The following RAD54B variants were observed in gnomAD, a reference collection of about 807,000 sequenced individuals.
The protein encoded by RAD54B is DNA repair and recombination protein RAD54B.
In RAD54B, 78 loss-of-function variants were observed where a neutral mutation model predicts 95.8. The ratio of observed to expected loss-of-function variants is 0.81; its 90% CI spans 0.68 to 0.98. RAD54B has a LOEUF of 0.98. Ranked by LOEUF, RAD54B falls within the 50% of genes least tolerant of loss-of-function variation. The probability of loss-of-function intolerance (pLI) is 0.00; values close to 1 mark genes in which losing one functional copy is unlikely to be tolerated. For missense variants in RAD54B, 957 were observed against 1,056.6 expected (o/e 0.91, Z 1.31); for synonymous variants, 328 against 354.9 (o/e 0.92, Z 0.85).
intron 3 of RAD54B, chr8:94,428,595 C>T: frequency 2.2e-6 from 1 of 462,322 alleles, no homozygotes; most frequent in Non-Finnish European, 2.8e-6. Flanking sequence ...TAGCCCAACT[C>T]CTACCTCAGT....
intron 3 of RAD54B, chr8:94,427,593 G>A: frequency 7.4e-6 from 3 of 404,698 alleles, no homozygotes; most frequent in Non-Finnish European, 1.0e-5. Context: ...ATGGTACATT[G>A]GCCATCTATT....
At chr8:94,379,836 C>G (rs1810689179) in intron 12 of RAD54B, among the ~76,000 whole-genome samples, 1 of 152,164 alleles carries the variant, frequency 6.6e-6, no homozygotes, top group Admixed American at 6.5e-5. Flanking sequence ...ACCCTAAAGG[C>G]CAACTCTGCA....
At chr8:94,405,839 A>G (rs891337966) in intron 5 of RAD54B, among the ~76,000 whole-genome samples, 2 of 152,206 alleles carry the variant, frequency 1.3e-5, no homozygotes, top group Non-Finnish European at 2.9e-5. Context: ...ATCATAGAAC[A>G]CTAGTTCAAA....
intron 3 of RAD54B, chr8:94,429,041 A>C (rs750698930): frequency 8.3e-5 from 82 of 984,626 alleles, no homozygotes; most frequent in Admixed American, 3.1e-4. Flanking sequence ...ATATGCATTT[A>C]AACTTTTGCA....
chr8:94,406,206 A>G (rs1811386500), intron 5 of RAD54B, among the ~76,000 whole-genome samples: 1 of 152,198 alleles, frequency 6.6e-6, no homozygotes, highest in African/African-American at 2.4e-5. Context: ...ACACATGAGT[A>G]GGCAAAACAT....
At chr8:94,466,893 A>G (rs962282064) in intron 2 of RAD54B, among the ~76,000 whole-genome samples, 1 of 152,122 alleles carries the variant, frequency 6.6e-6, no homozygotes, top group African/African-American at 2.4e-5. Flanking sequence ...TCATTACCAA[A>G]AGTTTATTTT....
intron 3 of RAD54B, among the ~76,000 whole-genome samples, chr8:94,433,524 C>G (rs1812172715): frequency 6.6e-6 from 1 of 152,016 alleles, no homozygotes; most frequent in Admixed American, 6.6e-5. Flanking sequence ...TAAATTTACA[C>G]ATAATTTCCA....
intron 10 of RAD54B, 149 bp from the exon 11 acceptor site, chr8:94,387,308 A>C: frequency 1.6e-6 from 1 of 612,914 alleles, no homozygotes; most frequent in Non-Finnish European, 2.7e-6. Flanking sequence ...ATAGGTCATG[A>C]TTTGATCATT....
intron 5 of RAD54B, among the ~76,000 whole-genome samples, chr8:94,406,110 C>T (rs921325936): frequency 3.3e-5 from 5 of 151,744 alleles, no homozygotes; most frequent in Admixed American, 6.6e-5. Flanking sequence ...TAAAATGTTT[C>T]ATTCACTCAC....
intron 2 of RAD54B, among the ~76,000 whole-genome samples, chr8:94,462,335 C>T (rs1306289087): frequency 1.3e-5 from 2 of 152,134 alleles, no homozygotes; most frequent in Admixed American, 6.5e-5. Context: ...CCTCATTGAA[C>T]ATTTACCCAC....
At chr8:94,424,534 C>T (rs964935755) in intron 3 of RAD54B, among the ~76,000 whole-genome samples, 1 of 152,082 alleles carries the variant, frequency 6.6e-6, no homozygotes, top group Non-Finnish European at 1.5e-5. Context: ...AAAACAAGAT[C>T]GTTGGGAACA....
chr8:94,442,824 C>A (rs1812434579), intron 3 of RAD54B, among the ~76,000 whole-genome samples: 1 of 152,092 alleles, frequency 6.6e-6, no homozygotes, highest in Admixed American at 6.6e-5. Context: ...ATTAGTCATG[C>A]AACACTGCCT....
At chr8:94,392,243 T>C (rs368693097) in intron 9 of RAD54B, among the ~76,000 whole-genome samples, 9 of 152,308 alleles carry the variant, frequency 5.9e-5, no homozygotes, top group African/African-American at 2.2e-4. Context: ...CATTTGTGTT[T>C]CCTTTAGTTT....
At chr8:94,433,549 C>T (rs1812173866) in intron 3 of RAD54B, among the ~76,000 whole-genome samples, 1 of 151,868 alleles carries the variant, frequency 6.6e-6, no homozygotes, top group African/African-American at 2.4e-5. Context: ...ATATGCATTC[C>T]CAATGGAGAC....
intron 8 of RAD54B, 61 bp from the exon 9 acceptor site, chr8:94,393,943 T>A: frequency 2.8e-6 from 4 of 1,413,666 alleles, no homozygotes; most frequent in Non-Finnish European, 3.8e-6. Flanking sequence ...CAATCTCAGG[T>A]TTATAGCAAA....
rs1480138158 is a variant in RAD54B, at chr8:94,422,775, T to TATATAA, written c.305-11461_305-11460insTTATAT. Among the ~76,000 whole-genome samples, 341 of 143,024 alleles carry TATATAA rather than the reference T, an allele frequency of 2.4e-3. 2 individuals carry two copies. The highest frequency in any genetic ancestry group is 8.2e-3 in the African/African-American group (320 of 39,076). The allele number at this position is 143,024 out of a possible 152,430, so 93.8% of individuals were successfully genotyped here. A position where few individuals can be genotyped will look rare whatever the true frequency, so the allele number is the denominator to read the frequency against. ...AATTATATATATATATATATATATA[T>TATATAA]AATTGTTAGGGGTGGTTATTCTGGA... On this transcript the variant is annotated intron_variant, in intron 3 of 14. Transcript: ENST00000336148.
intron 3 of RAD54B, among the ~76,000 whole-genome samples, chr8:94,446,976 TA>T (rs10651138): frequency 0.011 from 1,678 of 147,340 alleles, 26 homozygotes; most frequent in African/African-American, 0.035. Flanking sequence ...AGATAAGACT[TA>T]AAAAAAAAAA....
chr8:94,431,466 T>A, intron 3 of RAD54B: 1 of 982,278 alleles, frequency 1.0e-6, no homozygotes, highest in Non-Finnish European at 1.2e-6. Context: ...ATCTAGAGAA[T>A]GTTTTAGTGG....
At chr8:94,405,862 T>G (rs554874834) in intron 5 of RAD54B, among the ~76,000 whole-genome samples, 1 of 152,186 alleles carries the variant, frequency 6.6e-6, no homozygotes, top group Non-Finnish European at 1.5e-5. Flanking sequence ...TTAAGATGTT[T>G]CTTTATCTTC....
Sources: allele counts gnomAD v4.1 joint callset (sites outside exome capture counted in the v4.1 genomes callset), GRCh38; gene constraint gnomAD v4.1.1; transcripts MANE v1.5; gene names NCBI Gene and HGNC (gene_info 2026-07-23, HGNC 2026-07-21).